Variants in WNK1 observed in about 807,000 individuals in gnomAD.
WNK1 encodes serine/threonine-protein kinase WNK1.
Under a neutral mutation model 222.8 loss-of-function variants are expected in WNK1, and 38 were observed. That is an observed-to-expected ratio of 0.17 (90% CI 0.13 to 0.22). WNK1 has a LOEUF of 0.22. WNK1 is among the 10% of genes least tolerant of loss of function. The pLI is 1.00. For synonymous variants in WNK1, 1,090 were observed against 1,092.9 expected (o/e 1.00, Z 0.05); for missense variants, 2,348 against 2,918.4 (o/e 0.80, Z 4.50).
At position 907,046 on chromosome 12, in the gene WNK1, G is replaced by A. The variant is rs1275145319; in HGVS notation, c.6644-801G>A. The stretch of plus-strand genomic sequence containing the variant: ...CTTTAAAAAAAAAAAAAAGCCGGGC[G>A]TGGTGGCTCACGTCTGTAATCCCAG... On this transcript the variant is annotated intron_variant, in intron 26 of 27. Transcript: ENST00000315939. 1.3e-3 allele frequency among the ~76,000 whole-genome samples: 12 copies of A among 9,444 alleles called. 1 individual carries two copies. Among genetic ancestry groups the A allele is most frequent in the Non-Finnish European group, 3.7e-3 (11 of 2,970 alleles). 6.2% of individuals were successfully genotyped at this position (9,444 alleles called of 152,430 possible). A position where few individuals can be genotyped will look rare whatever the true frequency, so the allele number is the denominator to read the frequency against.
chr12:881,419 G>A, intron 12 of WNK1: 1 of 504,188 alleles, frequency 2.0e-6, no homozygotes, highest in Non-Finnish European at 3.6e-6. Flanking sequence ...TTGGTAAGAT[G>A]CTGGCTGCAT....
intron 4 of WNK1, among the ~76,000 whole-genome samples, chr12:841,439 T>G (rs1481264368): frequency 6.6e-6 from 1 of 152,250 alleles, no homozygotes; most frequent in Non-Finnish European, 1.5e-5. Context: ...CATGTATCAG[T>G]ACTTTTTAAT....
At chr12:831,189 T>TATG in intron 4 of WNK1, among the ~76,000 whole-genome samples, 1 of 152,326 alleles carries the variant, frequency 6.6e-6, no homozygotes, top group East Asian at 1.9e-4. Context: ...CCAGAGGCTA[T>TATG]ATGATACTGC....
At chr12:849,923 T>C (rs376722759) in intron 4 of WNK1, among the ~76,000 whole-genome samples, 2 of 152,204 alleles carry the variant, frequency 1.3e-5, no homozygotes, top group African/African-American at 4.8e-5. Context: ...CTGCATAGTA[T>C]TCCATGGTGT....
Position 762,351 on chromosome 12 carries a change from C to T in WNK1, c.759+8027C>T, listed in dbSNP as rs571263573. ...CTGGGATTACAGGTGTGGCTCCTCA[C>T]GTATAGTTTAAGTCATCACTAAATT... is the stretch of plus-strand genomic sequence containing the variant. On this transcript the variant is annotated intron_variant, in intron 1 of 27. Transcript: ENST00000315939. Among the ~76,000 whole-genome samples the T allele has an allele frequency of 4.7e-5, 7 of 147,704 alleles. No homozygotes were observed. The South Asian group carries it at 8.8e-4, about 19-fold the overall frequency.
At chr12:820,430 G>A (rs200367045) in intron 2 of WNK1, among the ~76,000 whole-genome samples, 7 of 117,832 alleles carry the variant, frequency 5.9e-5, no homozygotes, top group East Asian at 2.5e-4. Flanking sequence ...CTGAATTCTT[G>A]TATTAGCTCA....
rs1290299901 is a variant in WNK1 at position 871,313 on chromosome 12, G to C, written c.2188G>C (p.Val730Leu). 1.2e-6 allele frequency: 2 copies of C among 1,614,108 alleles called. No homozygotes were observed. Among genetic ancestry groups the C allele is most frequent in the South Asian group, 2.2e-5 (2 of 91,084 alleles). ...GQPSSSSLTG[V>L]SSSQPIQHPQ... ...GCCATCCTCAAGTAGCTTAACAGGG[G>C]TTTCATCTTCCCAACCCATACAACA... The change falls in exon 9 of 28, where the codon GTT becomes CTT. Residue 730 changes from valine (V) to leucine (L), a missense_variant. Transcript: ENST00000315939.
In WNK1 at chr12:907,883, A is replaced by G; in HGVS notation, c.6680A>G (p.Asn2227Ser). ...SSTNTVGATV[N>S]SQAAQAQPPA... ...ACAAACACTGTTGGGGCAACAGTGA[A>G]CAGCCAAGCCGCCCAAGCTCAGCCT... is the stretch of plus-strand genomic sequence containing the variant. Residue 2227 changes from asparagine (N) to serine (S), a missense_variant, in exon 27 of 28, where the codon AAC (asparagine) becomes AGC (serine). Physicochemically the swap from Asn to Ser is conservative, Grantham distance 46. Around this residue, in one of 13 missense-constraint regions of WNK1, gnomAD observed 1,144 missense variants for 1,273.6 expected, o/e 0.90. Coordinates refer to ENST00000315939, the MANE Select transcript of WNK1 (RefSeq NM_018979.4). The G allele has an allele frequency of 6.2e-7, 1 of 1,614,082 alleles. No individual in the cohort carries two copies. Among genetic ancestry groups the G allele is most frequent in the South Asian group, 1.1e-5 (1 of 91,072 alleles).
At chr12:874,541 T>A (rs1166633294) in intron 9 of WNK1, among the ~76,000 whole-genome samples, 2 of 152,282 alleles carry the variant, frequency 1.3e-5, no homozygotes, top group East Asian at 3.9e-4. Flanking sequence ...CAGCTTTTTT[T>A]CCTAATTGAG....
chr12:877,726 A>G (rs1263451126), intron 9 of WNK1, among the ~76,000 whole-genome samples: 9 of 152,188 alleles, frequency 5.9e-5, no homozygotes, highest in Non-Finnish European at 8.8e-5. Context: ...TTTCCTCCCT[A>G]TTTTGTAGCT....
chr12:858,069 A>G (rs779264466), intron 5 of WNK1, among the ~76,000 whole-genome samples: 35 of 152,280 alleles, frequency 2.3e-4, no homozygotes, highest in South Asian at 1.7e-3. Context: ...AGAAGAGCTT[A>G]ACTTCATGGT....
chr12:754,382 A>T, intron 1 of WNK1, 58 bp downstream of exon 1: 1 of 1,609,154 alleles, frequency 6.2e-7, no homozygotes, highest in East Asian at 2.2e-5. Context: ...GGCTCGGCGA[A>T]GCCAGTTGAT....
intron 1 of WNK1, among the ~76,000 whole-genome samples, chr12:784,043 G>T (rs1022055840): frequency 9.7e-6 from 1 of 103,110 alleles, no homozygotes; most frequent in African/African-American, 3.5e-5. Context: ...AACAAACCAA[G>T]ATGCTGTCTC....
At chr12:849,650 T>C (rs1332498119) in intron 4 of WNK1, among the ~76,000 whole-genome samples, 2 of 152,138 alleles carry the variant, frequency 1.3e-5, no homozygotes, top group African/African-American at 2.4e-5. Flanking sequence ...ATGTGCCATG[T>C]TGGTGTGCTG....
chr12:889,951 CT>C lies in WNK1; in HGVS notation c.5449-484del, dbSNP rs755068368. ...AGAAATTCATTCTTTTAAAATGTAC[CT>C]TTTTTTTTTTTTTTTTTGAGACAGG... On this transcript the variant is annotated intron_variant, in intron 21 of 27. Coordinates refer to ENST00000315939, the MANE Select transcript of WNK1 (RefSeq NM_018979.4). Among the ~76,000 whole-genome samples the C allele has an allele frequency of 4.8e-3, 631 of 130,414 alleles. 2 individuals are homozygous for C. Among genetic ancestry groups the C allele is most frequent in the African/African-American group, 0.013 (447 of 34,830 alleles). The allele number at this position is 130,414 out of a possible 152,430, so 85.6% of individuals were successfully genotyped here.
In WNK1 at chr12:816,495, C is replaced by T. The variant is rs369705723; in HGVS notation, c.932+2681C>T. On this transcript the variant is annotated intron_variant, in intron 2 of 27. Coordinates refer to ENST00000315939, the MANE Select transcript of WNK1 (RefSeq NM_018979.4). ...AGTGTCTATTTTGTTGCCCAGGCTG[C>T]TCTCAAACTCCTGAGCTCATCCTGA... 4.2e-4 allele frequency among the ~76,000 whole-genome samples: 64 copies of T among 151,800 alleles called. No individual in the cohort carries two copies. The South Asian group carries it at 0.013, about 32-fold the overall frequency.
chr12:813,090 C>T (rs924620430), intron 1 of WNK1, among the ~76,000 whole-genome samples: 8 of 152,112 alleles, frequency 5.3e-5, no homozygotes, highest in East Asian at 1.9e-4. Context: ...AAAAATTAGC[C>T]GGGCAAGGTG....
At chr12:805,989 TCTC>T (rs1316490030) in intron 1 of WNK1, among the ~76,000 whole-genome samples, 1 of 152,172 alleles carries the variant, frequency 6.6e-6, no homozygotes, top group African/African-American at 2.4e-5. Flanking sequence ...AATGCTAACT[TCTC>T]CTGATGACTT....
At chr12:890,321 C>T (rs1428357299) in intron 21 of WNK1, 132 bp from the exon 22 acceptor site, 7 of 914,500 alleles carry the variant, frequency 7.7e-6, no homozygotes, top group Non-Finnish European at 1.2e-5. Flanking sequence ...ATAAAATGTT[C>T]TCAGACATAA....
Sources: gnomAD v4.1 joint callset for allele counts (sites outside exome capture counted in the v4.1 genomes callset) on GRCh38, gnomAD v4.1.1 for gene constraint, gnomAD v4.1.1 regional missense constraint, MANE v1.5 for transcripts, NCBI Gene and HGNC (gene_info 2026-07-23, HGNC 2026-07-21) for gene names.